Variants in VCAN observed in about 807,000 individuals in gnomAD.
VCAN encodes the protein versican.
A neutral mutation model predicts 245.5 loss-of-function variants in VCAN; 44 were observed. The observed-to-expected ratio is 0.18, with a 90% CI of 0.14 to 0.23. The LOEUF (loss-of-function observed/expected upper bound fraction) is 0.23, where lower values mean the gene tolerates loss of function less well. Ranked by LOEUF, VCAN falls within the 10% of genes least tolerant of loss-of-function variation. The pLI, the probability that VCAN is intolerant of heterozygous loss-of-function variation, is 1.00. For missense variants in VCAN, 3,793 were observed against 4,057.9 expected, an observed-to-expected ratio of 0.93 and a Z score of 1.77; for synonymous variants, 1,413 against 1,437.0, an observed-to-expected ratio of 0.98 and a Z score of 0.38.
chr5:83,473,516 TTCTC>T (rs1360712963), intron 1 of VCAN, among the ~76,000 whole-genome samples: 1 of 152,034 alleles, frequency 6.6e-6, no homozygotes. Flanking sequence ...CCAGCCTCTG[TTCTC>T]TCTCTCTAGC....
rs1157837400 is a variant in VCAN at position 83,518,621 on chromosome 5, G to A, written c.1043-728G>A. Among the ~76,000 whole-genome samples the A allele has an allele frequency of 3.9e-5, 6 of 152,156 alleles. 1 individual carries two copies. The highest frequency in any genetic ancestry group is 4.1e-4 in the South Asian group (2 of 4,828). On this transcript the variant is annotated intron_variant, in intron 6 of 14. Coordinates refer to ENST00000265077, the MANE Select transcript of VCAN (RefSeq NM_004385.5). ...AAAATGTAGAACTACAACAAATGCC[G>A]ACTAGCCTCTGCCAGGCACATTTTA...
chr5:83,564,680 TG>T (rs66852704), intron 12 of VCAN, among the ~76,000 whole-genome samples: 23,955 of 148,002 alleles, frequency 0.16, 2,483 homozygotes, highest in South Asian at 0.42. Context: ...GTTTTTTAGA[TG>T]TTTTTTTTTT....
chr5:83,512,067 A>G, intron 5 of VCAN, 36 bp from the exon 6 acceptor site: 2 of 1,612,872 alleles, frequency 1.2e-6, no homozygotes, highest in Non-Finnish European at 1.7e-6. Context: ...ATGAATAATA[A>G]AACTTTGGGC....
Position 83,520,790 on chromosome 5 carries a change from T to A in VCAN, c.2484T>A (p.Pro828=). 1 of 1,614,118 alleles carries A rather than the reference T, an allele frequency of 6.2e-7. No homozygotes were observed. The highest frequency in any genetic ancestry group is 8.5e-7 in the Non-Finnish European group (1 of 1,179,982). The change falls in exon 7 of 15, where the codon CCT becomes CCA. Residue 828 remains proline, a synonymous_variant. Transcript: ENST00000265077. The part of the protein sequence containing the change: ...TEPSASSKLP[P]ALLTTVGMNG... Reference sequence around the variant, plus strand: ...CTTCAGCCTCTTCAAAATTGCCCCCTGCCTTACTCACAACTGTGGGGATGA... The same window carrying A: ...CTTCAGCCTCTTCAAAATTGCCCCCAGCCTTACTCACAACTGTGGGGATGA...
chr5:83,477,624 T>C (rs1744439774), intron 1 of VCAN, among the ~76,000 whole-genome samples: 2 of 152,200 alleles, frequency 1.3e-5, no homozygotes, highest in Admixed American at 1.3e-4. Context: ...AGTGCCATTC[T>C]AGGAAATACT....
At chr5:83,534,385 C>T (rs763635805) in intron 7 of VCAN, among the ~76,000 whole-genome samples, 5 of 151,936 alleles carry the variant, frequency 3.3e-5, no homozygotes, top group African/African-American at 7.2e-5. Context: ...CTGAATGGCT[C>T]GTTTTAACTT....
At chr5:83,535,366 T>C (rs1267830617) in intron 7 of VCAN, among the ~76,000 whole-genome samples, 2 of 152,050 alleles carry the variant, frequency 1.3e-5, no homozygotes, top group Non-Finnish European at 2.9e-5. Context: ...TGAAATAATT[T>C]AGTGAAGATG....
chr5:83,481,235 C>A (rs1744601587), intron 1 of VCAN, among the ~76,000 whole-genome samples: 1 of 147,590 alleles, frequency 6.8e-6, no homozygotes, highest in Non-Finnish European at 1.5e-5. Context: ...AAAGAGAGAT[C>A]TTTAATTTCT....
chr5:83,538,514 T>C lies in VCAN; in HGVS notation c.5511T>C (p.Ser1837=). The C allele has an allele frequency of 6.2e-7, 1 of 1,614,094 alleles. No homozygotes were observed. The highest frequency in any genetic ancestry group is 1.7e-5 in the Admixed American group (1 of 60,014). ...SPASVFMEQG[S]GEAAADPETT... ...CCTCTGTCTTTATGGAGCAGGGCTC[T>C]GGAGAAGCTGCTGCCGACCCAGAAA... Residue 1837 remains serine (S), a synonymous_variant, in exon 8 of 15, where the codon TCT becomes TCC. Transcript: ENST00000265077.
rs571567812 is a variant in VCAN at position 83,532,146 on chromosome 5, G to A, written c.4004-4861G>A. Among the ~76,000 whole-genome samples the A allele has an allele frequency of 5.9e-5, 9 of 152,188 alleles. No individual in the cohort carries two copies. The South Asian group carries it at 1.9e-3, about 32-fold the overall frequency. ...GAATGAGATACCTCCTCTCACAGTA[G>A]CACAGGTGTACCCCCCAACCCCCTT... On this transcript the variant is annotated intron_variant, in intron 7 of 14. Coordinates refer to ENST00000265077, the MANE Select transcript of VCAN (RefSeq NM_004385.5).
At chr5:83,562,566 T>C (rs1406198401) in intron 12 of VCAN, among the ~76,000 whole-genome samples, 1 of 152,160 alleles carries the variant, frequency 6.6e-6, no homozygotes. Context: ...CACAGATGCT[T>C]TTCCAACAGT....
In VCAN at chr5:83,548,004, A is replaced by G. The variant is rs1470042735; in HGVS notation, c.9413A>G (p.Asn3138Ser). ...FDECHSNPCR[N>S]GATCVDGFNT... ...GAATGTCACTCTAATCCCTGTCGTA[A>G]TGGAGCCACTTGTGTTGATGGTTTT... Residue 3138 changes from asparagine (N) to serine (S), a missense_variant, in exon 10 of 15, where the codon AAT (asparagine) becomes AGT (serine). Asn to Ser is a conservative substitution (Grantham distance 46). Transcript: ENST00000265077. 6.2e-7 allele frequency: 1 copy of G among 1,613,902 alleles called. No homozygotes were observed.
chr5:83,516,291 A>AT (rs1745855537), intron 6 of VCAN, among the ~76,000 whole-genome samples: 1 of 152,214 alleles, frequency 6.6e-6, no homozygotes, highest in Non-Finnish European at 1.5e-5. Context: ...CTCAAAAAAA[A>AT]AAATTATATA....
rs1444278244 is a variant in VCAN at position 83,541,710 on chromosome 5, G to A, written c.8707G>A (p.Asp2903Asn). Residue 2903 changes from aspartate (D) to asparagine (N), a missense_variant, in exon 8 of 15, where the codon GAT becomes AAT. Physicochemically the swap from Asp to Asn is conservative, Grantham distance 23 (BLOSUM62 1). Transcript: ENST00000265077. ...SPDTKLEPSE[D>N]DGKPELLEEM... ...TGACACAAAATTAGAACCTTCAGAA[G>A]ATGATGGTAAACCTGAGTTATTAGA... 1 of 1,613,864 alleles carries A rather than the reference G, an allele frequency of 6.2e-7. No homozygotes were observed. The highest frequency in any genetic ancestry group is 8.5e-7 in the Non-Finnish European group (1 of 1,180,000).
chr5:83,491,565 TTCTCTC>T (rs143570594), intron 3 of VCAN, among the ~76,000 whole-genome samples: 66 of 150,272 alleles, frequency 4.4e-4, no homozygotes, highest in Non-Finnish European at 5.0e-4. Flanking sequence ...CTACTGTGAT[TTCTCTC>T]TCTCTCTCTC....
intron 6 of VCAN, among the ~76,000 whole-genome samples, chr5:83,518,030 C>T (rs1446163208): frequency 6.6e-6 from 1 of 151,922 alleles, no homozygotes; most frequent in East Asian, 1.9e-4. Context: ...TTTGAGGGCT[C>T]CTGTTCTGGA....
At chr5:83,560,827 A>C (rs888577790) in intron 12 of VCAN, among the ~76,000 whole-genome samples, 1 of 152,012 alleles carries the variant, frequency 6.6e-6, no homozygotes, top group East Asian at 1.9e-4. Context: ...TGGGCTCCAC[A>C]TTGTTCCTTT....
chr5:83,507,390 G>A (rs1208763976), intron 5 of VCAN, among the ~76,000 whole-genome samples: 1 of 152,152 alleles, frequency 6.6e-6, no homozygotes, highest in Non-Finnish European at 1.5e-5. Flanking sequence ...CTCACTGAAG[G>A]CTGTGCATTC....
intron 12 of VCAN, among the ~76,000 whole-genome samples, chr5:83,560,881 A>G (rs1302931875): frequency 6.6e-6 from 1 of 151,982 alleles, no homozygotes; most frequent in East Asian, 1.9e-4. Context: ...ACCCTTCCCC[A>G]CTGGACACTG....
Sources: allele counts gnomAD v4.1 joint callset (sites outside exome capture counted in the v4.1 genomes callset), GRCh38; gene constraint gnomAD v4.1.1; transcripts MANE v1.5; gene names NCBI Gene and HGNC (gene_info 2026-07-23, HGNC 2026-07-21).